ATPSCKMT: variants seen among roughly 807,000 people sequenced by gnomAD.
ATPSCKMT encodes the protein ATP synthase subunit C lysine N-methyltransferase.
In ATPSCKMT, 24 loss-of-function variants were observed where a neutral mutation model predicts 24.3. The observed-to-expected ratio is 0.99, with a 90% confidence interval of 0.71 to 1.39. The LOEUF (loss-of-function observed/expected upper bound fraction) is 1.39, where lower values mean the gene tolerates loss of function less well. ATPSCKMT is among the 40% of genes most tolerant of loss of function. The pLI is 0.00. For missense variants in ATPSCKMT, 311 were observed against 298.4 expected (o/e 1.04, Z -0.31); for synonymous variants, 95 against 110.5 (o/e 0.86, Z 0.88).
chr5:10,247,746 G>A (rs1200354618), intron 1 of ATPSCKMT, among the ~76,000 whole-genome samples: 1 of 152,082 alleles, frequency 6.6e-6, no homozygotes, highest in African/African-American at 2.4e-5. Flanking sequence ...ATATATAAAT[G>A]GCAAGAACTT....
At chr5:10,243,079 T>TA in intron 1 of ATPSCKMT, among the ~76,000 whole-genome samples, 1 of 152,342 alleles carries the variant, frequency 6.6e-6, no homozygotes, top group African/African-American at 2.4e-5. Flanking sequence ...GGCTTCAACT[T>TA]AAAGTCACCA....
At chr5:10,235,137 G>A (rs555222105) in intron 4 of ATPSCKMT, 74 bp downstream of exon 4, 263 of 1,366,718 alleles carry the variant, frequency 1.9e-4, no homozygotes, top group Non-Finnish European at 1.6e-4. Context: ...ACACGGGTGA[G>A]TGGTGGTGTT....
chr5:10,236,984 T>C lies in ATPSCKMT; in HGVS notation c.307-369A>G, dbSNP rs567258722. Reference sequence around the variant, plus strand: ...GTGGGCTAGCACAGCAGCAGTGAAATGAAAGTGTCTGGGAGGATGGTTTTG... The same window carrying C: ...GTGGGCTAGCACAGCAGCAGTGAAACGAAAGTGTCTGGGAGGATGGTTTTG... On this transcript the variant is annotated intron_variant, in intron 2 of 4. Transcript: ENST00000511437. 5 of 1,311,540 alleles carry C rather than the reference T, an allele frequency of 3.8e-6. No homozygotes were observed. In the Admixed American group the frequency reaches 9.0e-5, roughly 24 times the overall value. 81.2% of individuals were successfully genotyped at this position (1,311,540 alleles called of 1,614,324 possible).
rs199675352 is a variant in ATPSCKMT, at chr5:10,227,451, A to T, written c.692T>A (p.Ile231Asn). Residue 231 changes from isoleucine (I) to asparagine (N), a missense_variant, in exon 5 of 5, where the codon ATT (isoleucine) becomes AAT (asparagine). Ile to Asn is a moderately radical substitution (Grantham distance 149). Coordinates refer to ENST00000511437, the MANE Select transcript of ATPSCKMT (RefSeq NM_199133.4). Reference sequence around the variant, plus strand: ...CACTCCCAGTCAAGTTTATGCTTGAATGGGCAGCTGGAAATGCATCGATGT... The same window carrying T: ...CACTCCCAGTCAAGTTTATGCTTGATTGGGCAGCTGGAAATGCATCGATGT... ...PCTSMHFQLPIQA is the reference protein window; with the variant it reads ...PCTSMHFQLPNQA The T allele has an allele frequency of 6.2e-7, 1 of 1,614,128 alleles. No homozygotes were observed. Among genetic ancestry groups the T allele is most frequent in the South Asian group, 1.1e-5 (1 of 91,082 alleles).
intron 4 of ATPSCKMT, among the ~76,000 whole-genome samples, chr5:10,233,040 C>G (rs1431344601): frequency 1.3e-5 from 2 of 152,184 alleles, no homozygotes; most frequent in Admixed American, 6.5e-5. Context: ...TGATTTTGAG[C>G]TACAACCGCA....
chr5:10,235,124 C>G (rs536578664), intron 4 of ATPSCKMT, 87 bp downstream of exon 4: 21 of 1,243,644 alleles, frequency 1.7e-5, no homozygotes, highest in Non-Finnish European at 2.3e-5. Context: ...GGCCATCACC[C>G]TCACACGGGT....
chr5:10,243,214 A>T (rs1272070855), intron 1 of ATPSCKMT, among the ~76,000 whole-genome samples: 1 of 152,236 alleles, frequency 6.6e-6, no homozygotes, highest in Non-Finnish European at 1.5e-5. Flanking sequence ...GGCCAGGCAC[A>T]GTGGCTCGCG....
intron 1 of ATPSCKMT, 102 bp downstream of exon 1, chr5:10,249,756 G>C: frequency 6.8e-7 from 1 of 1,472,130 alleles, no homozygotes; most frequent in Non-Finnish European, 9.0e-7. Context: ...CCCGCACCCG[G>C]TCACCGCCTC....
At chr5:10,228,300 AT>A (rs1271989441) in intron 4 of ATPSCKMT, among the ~76,000 whole-genome samples, 2 of 152,260 alleles carry the variant, frequency 1.3e-5, no homozygotes, top group African/African-American at 4.8e-5. Context: ...TAGTTAGACT[AT>A]GAAAAAATAT....
chr5:10,243,701 G>C (rs1744754407), intron 1 of ATPSCKMT, among the ~76,000 whole-genome samples: 1 of 152,238 alleles, frequency 6.6e-6, no homozygotes, highest in Admixed American at 6.5e-5. Context: ...AGCCTTCAGA[G>C]AACTGAAAAG....
At chr5:10,249,656 G>A in intron 1 of ATPSCKMT, 2 of 800,060 alleles carry the variant, frequency 2.5e-6, no homozygotes, top group Non-Finnish European at 1.9e-6. Flanking sequence ...AAACGCGCCC[G>A]CCGACAAGGA....
chr5:10,243,129 G>T (rs1744725056), intron 1 of ATPSCKMT, among the ~76,000 whole-genome samples: 2 of 152,190 alleles, frequency 1.3e-5, no homozygotes, highest in South Asian at 4.1e-4. Context: ...CTTATTCTTT[G>T]AAGCTTTGAA....
chr5:10,227,292 C>A lies in ATPSCKMT; in HGVS notation c.*149G>T, dbSNP rs974904406. 6.2e-6 allele frequency: 5 copies of A among 802,612 alleles called. No individual in the cohort carries two copies. The Admixed American group carries it at 1.2e-4, about 19-fold the overall frequency. 49.7% of individuals were successfully genotyped at this position (802,612 alleles called of 1,614,324 possible). A position where few individuals can be genotyped will look rare whatever the true frequency, so the allele number is the denominator to read the frequency against. On this transcript the variant is annotated 3_prime_UTR_variant, in exon 5 of 5. Transcript: ENST00000511437. ...GATTTTAAATCTACCTGTTTTTCTT[C>A]GTTTGTTTTCTCCAACAGTTAAGGA...
intron 1 of ATPSCKMT, chr5:10,248,471 TG>T (rs1745059224): frequency 6.6e-6 from 1 of 152,264 alleles, no homozygotes; most frequent in Non-Finnish European, 1.5e-5. Context: ...AAAATGTCCT[TG>T]AAGAACACTT....
At position 10,239,137 on chromosome 5, in the gene ATPSCKMT, T is replaced by C. The variant is rs762169587; in HGVS notation, c.236A>G (p.Glu79Gly). The C allele has an allele frequency of 3.7e-6, 6 of 1,614,200 alleles. No homozygotes were observed. The Admixed American group carries it at 1.0e-4, about 27-fold the overall frequency. ...GCATCGCAACATTTTCACAACATTT[T>C]CAATCTGCTTCGTAGTTGCAGGTAC... ...PFVPATTKQIENVVKMLRCRR... is the reference protein window; with the variant it reads ...PFVPATTKQIGNVVKMLRCRR... Residue 79 changes from glutamate (E) to glycine (G), a missense_variant, in exon 2 of 5, where the codon GAA becomes GGA. Transcript: ENST00000511437.
intron 2 of ATPSCKMT, among the ~76,000 whole-genome samples, chr5:10,237,532 T>G (rs1009505710): frequency 6.6e-6 from 1 of 152,144 alleles, no homozygotes; most frequent in Non-Finnish European, 1.5e-5. Context: ...TCTCACAAGA[T>G]CTGATGGTTT....
chr5:10,249,196 G>A (rs1025348007), intron 1 of ATPSCKMT, among the ~76,000 whole-genome samples: 3 of 151,260 alleles, frequency 2.0e-5, no homozygotes, highest in Middle Eastern at 3.2e-3. Flanking sequence ...TGGAACCCGG[G>A]AGGCGGAGGC....
At chr5:10,237,769 T>C (rs1477444733) in intron 2 of ATPSCKMT, among the ~76,000 whole-genome samples, 2 of 151,480 alleles carry the variant, frequency 1.3e-5, no homozygotes, top group African/African-American at 4.8e-5. Context: ...TTTTTTGAGA[T>C]GGAGTCTCGC....
chr5:10,236,803 G>A, intron 2 of ATPSCKMT, 188 bp from the exon 3 acceptor site: 1 of 1,484,496 alleles, frequency 6.7e-7, no homozygotes, highest in East Asian at 2.5e-5. Flanking sequence ...GTCAACCCAT[G>A]CAACTTAGTT....
Sources: allele counts gnomAD v4.1 joint callset (sites outside exome capture counted in the v4.1 genomes callset), GRCh38; gene constraint gnomAD v4.1.1; transcripts MANE v1.5; gene names NCBI Gene and HGNC (gene_info 2026-07-23, HGNC 2026-07-21).